LRRC40: variants seen among roughly 807,000 people sequenced by gnomAD.
The protein encoded by LRRC40 is leucine rich repeat containing 40.
A neutral mutation model predicts 72.8 loss-of-function variants in LRRC40; 76 were observed. That is an observed-to-expected ratio of 1.04 (90% CI 0.87 to 1.26). The LOEUF is 1.26. Among genes scored for constraint, LRRC40 ranks in the 50% most tolerant of loss-of-function variants. LRRC40 has a pLI of 0.00. For synonymous variants in LRRC40, 243 were observed against 254.2 expected (o/e 0.96, Z 0.42); for missense variants, 684 against 698.9 (o/e 0.98, Z 0.24).
intron 6 of LRRC40, among the ~76,000 whole-genome samples, chr1:70,176,434 C>T (rs560159740): frequency 1.4e-5 from 2 of 145,860 alleles, no homozygotes; most frequent in Admixed American, 7.0e-5. Flanking sequence ...CAGGAGGCTG[C>T]GGCAGGAGAA....
chr1:70,150,602 T>C (rs1667454808), intron 13 of LRRC40, among the ~76,000 whole-genome samples: 1 of 152,238 alleles, frequency 6.6e-6, no homozygotes, highest in South Asian at 2.1e-4. Flanking sequence ...TGGCTACTGC[T>C]TACTTGCCAG....
chr1:70,178,968 T>G lies in LRRC40; in HGVS notation c.687A>C (p.Ser229=). ...CAGGAGGTATAGTTTCCAAGAGATT[T>G]GAATTACAATCCAAATGCTTCAACC... ...MKRLKHLDCN[S]NLLETIPPEL... Residue 229 remains serine (S), a synonymous_variant, in exon 6 of 15, where the codon TCA becomes TCC. Transcript: ENST00000370952. The G allele has an allele frequency of 5.0e-6, 8 of 1,599,554 alleles. No individual in the cohort carries two copies. The highest frequency in any genetic ancestry group is 6.8e-6 in the Non-Finnish European group (8 of 1,171,160).
chr1:70,180,231 A>G (rs1668212571), intron 5 of LRRC40: 1 of 152,152 alleles, frequency 6.6e-6, no homozygotes, highest in Admixed American at 6.6e-5. Flanking sequence ...GGGAGTTTTG[A>G]CCTGCTCTGT....
At chr1:70,199,049 G>T (rs1668676466) in intron 1 of LRRC40, among the ~76,000 whole-genome samples, 1 of 152,120 alleles carries the variant, frequency 6.6e-6, no homozygotes, top group Admixed American at 6.5e-5. Context: ...CACTCAGGGA[G>T]CTGAGGTGGG....
chr1:70,192,987 A>T (rs574143588), intron 1 of LRRC40, among the ~76,000 whole-genome samples: 3 of 152,282 alleles, frequency 2.0e-5, no homozygotes, highest in Admixed American at 6.5e-5. Flanking sequence ...AAAAAACAGT[A>T]TAATGGAATA....
intron 9 of LRRC40, among the ~76,000 whole-genome samples, chr1:70,171,224 A>G (rs1446305782): frequency 6.6e-6 from 1 of 152,082 alleles, no homozygotes; most frequent in Non-Finnish European, 1.5e-5. Context: ...CAAAGACCTA[A>G]ATTTTAAAAC....
intron 9 of LRRC40, among the ~76,000 whole-genome samples, chr1:70,167,285 C>T (rs1262743213): frequency 5.3e-5 from 8 of 150,850 alleles, no homozygotes; most frequent in East Asian, 1.9e-4. Flanking sequence ...CTGAGCTGAG[C>T]GTGGTGGCTC....
At chr1:70,190,375 T>C (rs1668465979) in intron 1 of LRRC40, among the ~76,000 whole-genome samples, 1 of 151,946 alleles carries the variant, frequency 6.6e-6, no homozygotes, top group East Asian at 1.9e-4. Flanking sequence ...GGCATGAGAC[T>C]TATACTCACT....
chr1:70,204,412 G>T (rs950569106), intron 1 of LRRC40, among the ~76,000 whole-genome samples: 28 of 152,144 alleles, frequency 1.8e-4, no homozygotes, highest in African/African-American at 4.1e-4. Flanking sequence ...TAGCATGATA[G>T]GTATGCAAGT....
intron 9 of LRRC40, among the ~76,000 whole-genome samples, chr1:70,160,553 T>C (rs1007794390): frequency 1.1e-4 from 17 of 152,156 alleles, no homozygotes; most frequent in African/African-American, 3.6e-4. Flanking sequence ...TTAAATAATA[T>C]GTAATACAGT....
Position 70,180,485 on chromosome 1 carries a change from T to G in LRRC40, c.661+601A>C, listed in dbSNP as rs185322405. 9 of 152,200 alleles carry G rather than the reference T, an allele frequency of 5.9e-5. No individual in the cohort carries two copies. In the East Asian group the frequency reaches 1.7e-3, roughly 29 times the overall value. The allele number at this position is 152,200 out of a possible 1,614,324, so 9.4% of individuals were successfully genotyped here. A position where few individuals can be genotyped will look rare whatever the true frequency, so the allele number is the denominator to read the frequency against. On this transcript the variant is annotated intron_variant, in intron 5 of 14. Transcript: ENST00000370952. ...AAACAAACAAAAAAATCACTAATGA[T>G]TTTAGACTCTTAAGAATTTTATATT...
At chr1:70,148,243 GA>G (rs1424888607) in intron 14 of LRRC40, among the ~76,000 whole-genome samples, 2 of 150,954 alleles carry the variant, frequency 1.3e-5, no homozygotes, top group African/African-American at 2.4e-5. Flanking sequence ...CAGTGATAGC[GA>G]AAAGCCACTA....
At chr1:70,168,428 A>C (rs1667935011) in intron 9 of LRRC40, among the ~76,000 whole-genome samples, 1 of 152,138 alleles carries the variant, frequency 6.6e-6, no homozygotes, top group Non-Finnish European at 1.5e-5. Context: ...GGAGAGTGTT[A>C]CTCTTAGAGA....
chr1:70,198,004 C>T (rs776797338), intron 1 of LRRC40, among the ~76,000 whole-genome samples: 10 of 152,080 alleles, frequency 6.6e-5, no homozygotes, highest in Non-Finnish European at 1.2e-4. Context: ...TCAAGTGATC[C>T]GCCTGCTTCC....
chr1:70,158,147 TAAGA>T (rs1324159479), intron 10 of LRRC40, among the ~76,000 whole-genome samples: 1 of 143,498 alleles, frequency 7.0e-6, no homozygotes, highest in Non-Finnish European at 1.5e-5. Context: ...CCATGCTCTG[TAAGA>T]AAGAGTCAAA....
chr1:70,187,168 T>A (rs1341133512), intron 3 of LRRC40, 97 bp downstream of exon 3: 1 of 632,234 alleles, frequency 1.6e-6, no homozygotes, highest in Non-Finnish European at 2.8e-6. Flanking sequence ...CTTTCTGAGA[T>A]AATTCAAAGA....
Position 70,175,995 on chromosome 1 carries a change from A to G in LRRC40, c.805-13T>C, listed in dbSNP as rs780245360. On this transcript the variant is annotated splice_polypyrimidine_tract_variant and intron_variant, in intron 6 of 14. Transcript: ENST00000370952. ...CTACGTGCAATTCCTACAAAATCAAAGATGAGTTATGTGTATCTCTGTATT... is the reference window on the plus strand; with the variant it reads ...CTACGTGCAATTCCTACAAAATCAAGGATGAGTTATGTGTATCTCTGTATT... The G allele has an allele frequency of 5.9e-6, 9 of 1,528,238 alleles. No homozygotes were observed. The highest frequency in any genetic ancestry group is 7.0e-6 in the Non-Finnish European group (8 of 1,139,812). 94.7% of individuals were successfully genotyped at this position (1,528,238 alleles called of 1,614,324 possible). A position where few individuals can be genotyped will look rare whatever the true frequency, so the allele number is the denominator to read the frequency against.
intron 11 of LRRC40, among the ~76,000 whole-genome samples, chr1:70,153,964 T>G (rs1443821299): frequency 1.7e-5 from 2 of 119,352 alleles, no homozygotes; most frequent in African/African-American, 3.4e-5. Flanking sequence ...CAGAGTGAGA[T>G]CCTGTCTCAA....
At chr1:70,185,267 G>A (rs1668334759) in intron 3 of LRRC40, among the ~76,000 whole-genome samples, 1 of 152,184 alleles carries the variant, frequency 6.6e-6, no homozygotes, top group Non-Finnish European at 1.5e-5. Context: ...TGCTTTGGTT[G>A]TGTCCCCACA....
Sources: allele counts gnomAD v4.1 joint callset (sites outside exome capture counted in the v4.1 genomes callset), GRCh38; gene constraint gnomAD v4.1.1; transcripts MANE v1.5; gene names NCBI Gene and HGNC (gene_info 2026-07-23, HGNC 2026-07-21).